The following PHF19 variants were observed in gnomAD, a reference collection of about 807,000 sequenced individuals.
PHF19 encodes the protein PHD finger protein 19, also known as polycomb like 3.
In PHF19, 21 loss-of-function variants were observed where a neutral mutation model predicts 79.8. That is an observed-to-expected ratio of 0.26 (90% CI 0.19 to 0.38). PHF19 has a LOEUF of 0.38. Among genes scored for constraint, PHF19 ranks in the 10% least tolerant of loss-of-function variants. The probability of loss-of-function intolerance (pLI) is 1.00; values close to 1 mark genes in which losing one functional copy is unlikely to be tolerated. For synonymous variants in PHF19, 273 were observed against 296.3 expected, an observed-to-expected ratio of 0.92 and a Z score of 0.81; for missense variants, 445 against 744.2, an observed-to-expected ratio of 0.60 and a Z score of 4.68.
At position 120,858,148 on chromosome 9, in the gene PHF19, T is replaced by C. The variant is rs763252337; in HGVS notation, c.1539A>G (p.Pro513=). The change falls in exon 15 of 15, where the codon CCA becomes CCG. Residue 513 remains proline, a synonymous_variant. Coordinates refer to ENST00000373896, the MANE Select transcript of PHF19 (RefSeq NM_015651.3). ...ATGTGTGGCTGTCAATGCCTTCGTC[T>C]GGCCGCTCGGGGACTGAAGCCCCCT... ...SAEGASVPER[P]DEGIDSHTFE... is the part of the protein sequence containing the mutation. The C allele has an allele frequency of 4.8e-5, 77 of 1,613,538 alleles. 1 individual carries two copies. Among genetic ancestry groups the C allele is most frequent in the Non-Finnish European group, 6.5e-5 (77 of 1,179,596 alleles).
Position 120,866,875 on chromosome 9 carries a change from T to C in PHF19, c.705A>G (p.Gly235=). The change falls in exon 7 of 15, where the codon GGA becomes GGG. Residue 235 remains glycine, a synonymous_variant. Coordinates refer to ENST00000373896, the MANE Select transcript of PHF19 (RefSeq NM_015651.3). This position sits in a 1 kb window ranked among gnomAD's most constrained non-coding sequence, Gnocchi z 5.2. ...TQCLNEPMMF[G]DRFYLFFCSV... ...TGGACCAAATTAGCACCTACCGGTCTCCAAACATCATGGGCTCATTGAGGC... is the reference window on the plus strand; with the variant it reads ...TGGACCAAATTAGCACCTACCGGTCCCCAAACATCATGGGCTCATTGAGGC... 6.3e-7 allele frequency: 1 copy of C among 1,598,830 alleles called. No homozygotes were observed. Among genetic ancestry groups the C allele is most frequent in the Non-Finnish European group, 8.6e-7 (1 of 1,166,106 alleles).
chr9:120,898,842 G>A (rs1347508167), upstream of PHF19, among the ~76,000 whole-genome samples: 3 of 152,140 alleles, frequency 2.0e-5, no homozygotes, highest in African/African-American at 7.2e-5. Flanking sequence ...TTCATGGAGC[G>A]ATGTAGGTAG....
At position 120,861,045 on chromosome 9, in the gene PHF19, C is replaced by A. The variant is rs775737537; in HGVS notation, c.1304+44G>T. The A allele has an allele frequency of 8.1e-6, 9 of 1,115,496 alleles. 1 individual carries two copies. The South Asian group carries it at 1.1e-4, about 14-fold the overall frequency. 69.1% of individuals were successfully genotyped at this position (1,115,496 alleles called of 1,614,324 possible). On this transcript the variant is annotated intron_variant, in intron 13 of 14. Coordinates refer to ENST00000373896, the MANE Select transcript of PHF19 (RefSeq NM_015651.3). Reference sequence around the variant, plus strand: ...GCTTGGCTTTCTGCTTGGTTCCCTCCCTGTCTCCAGAGCAGACCTCTGTGC... The same window carrying A: ...GCTTGGCTTTCTGCTTGGTTCCCTCACTGTCTCCAGAGCAGACCTCTGTGC...
chr9:120,877,147 G>A lies in PHF19; in HGVS notation c.-72C>T. On this transcript the variant is annotated 5_prime_UTR_variant, in exon 1 of 15. Transcript: ENST00000373896. ...GAGTCTGGCCACCAGGCGCATCGGT[G>A]GCGGAGGCGGCTGCGCTCGGCCCGC... 1 of 984,970 alleles carries A rather than the reference G, an allele frequency of 1.0e-6. No homozygotes were observed. The highest frequency in any genetic ancestry group is 1.2e-6 in the Non-Finnish European group (1 of 829,778). The allele number at this position is 984,970 out of a possible 1,614,324, so 61.0% of individuals were successfully genotyped here.
At chr9:120,886,913 C>CA (rs2131591666) in intron 1 of PHF19, among the ~76,000 whole-genome samples, 1 of 151,506 alleles carries the variant, frequency 6.6e-6, no homozygotes, top group South Asian at 2.1e-4. Context: ...ACTAAAAATA[C>CA]AAAAAAATTA....
chr9:120,869,703 G>C lies in PHF19; in HGVS notation c.465+142C>G. 1 of 1,554,488 alleles carries C rather than the reference G, an allele frequency of 6.4e-7. No homozygotes were observed. Among genetic ancestry groups the C allele is most frequent in the South Asian group, 1.2e-5 (1 of 84,292 alleles). ...CAGGGAGTCTACAAATCCTGGCCAA[G>C]GACAGTGGCAGAGGCGCTATCTGTC... On this transcript the variant is annotated intron_variant, in intron 5 of 14. Transcript: ENST00000373896. The surrounding 1 kb of genome is among the most constrained non-coding windows in gnomAD (Gnocchi z 5.8).
At chr9:120,882,344 G>GGAAACAATTT (rs2046198550) in intron 1 of PHF19, among the ~76,000 whole-genome samples, 2 of 152,096 alleles carry the variant, frequency 1.3e-5, no homozygotes, top group Non-Finnish European at 1.5e-5. Context: ...TTTCAATTAA[G>GGAAACAATTT]GACAATTTGG....
chr9:120,884,544 G>A (rs1319121925), intron 1 of PHF19, among the ~76,000 whole-genome samples: 1 of 152,204 alleles, frequency 6.6e-6, no homozygotes, highest in Non-Finnish European at 1.5e-5. Flanking sequence ...GGATACAACA[G>A]GGTCATTTGT....
At position 120,877,133 on chromosome 9, in the gene PHF19, C is replaced by G; in HGVS notation, c.-58G>C. 1.0e-6 allele frequency: 1 copy of G among 985,088 alleles called. No homozygotes were observed. Among genetic ancestry groups the G allele is most frequent in the African/African-American group, 1.7e-5 (1 of 57,290 alleles). The allele number at this position is 985,088 out of a possible 1,614,324, so 61.0% of individuals were successfully genotyped here. Reference sequence around the variant, plus strand: ...GCCGGTCCCACTTGGAGTCTGGCCACCAGGCGCATCGGTGGCGGAGGCGGC... The same window carrying G: ...GCCGGTCCCACTTGGAGTCTGGCCAGCAGGCGCATCGGTGGCGGAGGCGGC... On this transcript the variant is annotated 5_prime_UTR_variant, in exon 1 of 15. Transcript: ENST00000373896.
upstream of PHF19, among the ~76,000 whole-genome samples, chr9:120,881,554 C>T (rs1211535387): frequency 6.6e-6 from 1 of 152,084 alleles, no homozygotes; most frequent in Non-Finnish European, 1.5e-5. Context: ...GGTGGTTGAT[C>T]CATAGTTGTT....
In PHF19 at chr9:120,860,485, C is replaced by G. The variant is rs1180294608; in HGVS notation, c.1305-300G>C. On this transcript the variant is annotated intron_variant, in intron 13 of 14. Coordinates refer to ENST00000373896, the MANE Select transcript of PHF19 (RefSeq NM_015651.3). This position sits in a 1 kb window ranked among gnomAD's most constrained non-coding sequence, Gnocchi z 4.1. Reference sequence around the variant, plus strand: ...CACAGGTCAAAAGTGCTTTCATTTGCATTATCTTGTTTGAGGAAAAGAGCT... The same window carrying G: ...CACAGGTCAAAAGTGCTTTCATTTGGATTATCTTGTTTGAGGAAAAGAGCT... 2.6e-6 allele frequency: 1 copy of G among 386,782 alleles called. No homozygotes were observed. Among genetic ancestry groups the G allele is most frequent in the African/African-American group, 2.1e-5 (1 of 48,576 alleles). The allele number at this position is 386,782 out of a possible 1,614,324, so 24.0% of individuals were successfully genotyped here.
Position 120,869,456 on chromosome 9 carries a change from A to T in PHF19, c.466-126T>A, listed in dbSNP as rs2131535683. The stretch of plus-strand genomic sequence containing the variant: ...GACCCGCAGATATTCCAATATAGTC[A>T]GAAAAGCAAGGAGCTTTTTCTCATT... On this transcript the variant is annotated intron_variant, in intron 5 of 14. Transcript: ENST00000373896. This position sits in a 1 kb window ranked among gnomAD's most constrained non-coding sequence, Gnocchi z 5.8. 1 of 1,328,426 alleles carries T rather than the reference A, an allele frequency of 7.5e-7. No individual in the cohort carries two copies. Among genetic ancestry groups the T allele is most frequent in the East Asian group, 2.5e-5 (1 of 39,876 alleles). The allele number at this position is 1,328,426 out of a possible 1,614,324, so 82.3% of individuals were successfully genotyped here. A position where few individuals can be genotyped will look rare whatever the true frequency, so the allele number is the denominator to read the frequency against.
At position 120,889,796 on chromosome 9, in the gene PHF19, GAAGA is replaced by G. The variant is rs1045190274; in HGVS notation, c.42+4988_42+4991del. 4.5e-5 allele frequency among the ~76,000 whole-genome samples: 4 copies of G among 88,438 alleles called. No individual in the cohort carries two copies. In the South Asian group the frequency reaches 1.5e-3, roughly 34 times the overall value. The allele number at this position is 88,438 out of a possible 152,430, so 58.0% of individuals were successfully genotyped here. ...AAGAAAGAAAAGAGAAAGAAGAAAG[GAAGA>G]AAGAAAGAAAGAGAAAGAAAAAAGA... On this transcript the variant is annotated intron_variant, in intron 1 of 14. Transcript: ENST00000616568.
At position 120,869,361 on chromosome 9, in the gene PHF19, C is replaced by A. The variant is rs1208322548; in HGVS notation, c.466-31G>T. The stretch of plus-strand genomic sequence containing the variant: ...GGGAGACGAGGGCCCCAGTCAACCA[C>A]CAGGTCCGGGTGGACCACGCGAGTC... On this transcript the variant is annotated intron_variant, in intron 5 of 14. Coordinates refer to ENST00000373896, the MANE Select transcript of PHF19 (RefSeq NM_015651.3). This position sits in a 1 kb window ranked among gnomAD's most constrained non-coding sequence, Gnocchi z 5.8. 3.1e-6 allele frequency: 5 copies of A among 1,605,442 alleles called. No homozygotes were observed. Among genetic ancestry groups the A allele is most frequent in the African/African-American group, 1.3e-5 (1 of 74,886 alleles).
At chr9:120,895,212 T>C (rs2046390891), upstream of PHF19, among the ~76,000 whole-genome samples, 1 of 152,146 alleles carries the variant, frequency 6.6e-6, no homozygotes, top group African/African-American at 2.4e-5. Context: ...GGGACCCTGC[T>C]GACACCTTAA....
intron 3 of PHF19, among the ~76,000 whole-genome samples, chr9:120,873,396 A>G (rs184791168): frequency 1.1e-3 from 161 of 152,288 alleles, no homozygotes; most frequent in South Asian, 2.9e-3. Flanking sequence ...GGCAGGGATG[A>G]TACCCAACCC....
chr9:120,891,229 C>T lies in PHF19; in HGVS notation c.42+3559G>A, dbSNP rs897088121. 1.3e-5 allele frequency among the ~76,000 whole-genome samples: 2 copies of T among 152,062 alleles called. No individual in the cohort carries two copies. The highest frequency in any genetic ancestry group is 4.8e-5 in the African/African-American group (2 of 41,392). On this transcript the variant is annotated intron_variant, in intron 1 of 14. Coordinates refer to the PHF19 transcript ENST00000616568. This position sits in a 1 kb window ranked among gnomAD's most constrained non-coding sequence, Gnocchi z 4.3. ...TGTAAGGATCCATTTACTCATCTGC[C>T]TCTCCCGCCCTCTTCCCTTCTCTCC...
chr9:120,902,247 G>C, the PHF19 span: 7 of 152,028 alleles, frequency 4.6e-5, no homozygotes. Flanking sequence ...TTCTGTCACT[G>C]GTGTTTTAAA....
chr9:120,897,083 C>T (rs574334162), upstream of PHF19, among the ~76,000 whole-genome samples: 34 of 152,366 alleles, frequency 2.2e-4, no homozygotes, highest in African/African-American at 7.9e-4. Flanking sequence ...TTGGTCTTGT[C>T]ATCTGCAAAT....
Sources: allele counts gnomAD v4.1 joint callset (sites outside exome capture counted in the v4.1 genomes callset), GRCh38; gene constraint gnomAD v4.1.1; non-coding constraint Gnocchi (gnomAD v3.1); transcripts MANE v1.5; gene names NCBI Gene and HGNC (gene_info 2026-07-23, HGNC 2026-07-21).